The following PTBP3 variants were observed in gnomAD, a reference collection of about 807,000 sequenced individuals.
PTBP3 encodes the protein polypyrimidine tract binding protein 3.
A neutral mutation model predicts 58.7 loss-of-function variants in PTBP3; 20 were observed. That is an observed-to-expected ratio of 0.34 (90% CI 0.24 to 0.50). The LOEUF (loss-of-function observed/expected upper bound fraction) is 0.50. Among genes scored for constraint, PTBP3 ranks in the 20% least tolerant of loss-of-function variants. The pLI is 0.98. For missense variants in PTBP3, 509 were observed against 637.2 expected (o/e 0.80, Z 2.17); for synonymous variants, 185 against 219.8 (o/e 0.84, Z 1.40).
At chr9:112,280,749 G>A (rs904797172) in intron 2 of PTBP3, among the ~76,000 whole-genome samples, 2 of 110,066 alleles carry the variant, frequency 1.8e-5, no homozygotes, top group African/African-American at 7.8e-5. Context: ...CTCTTCATAC[G>A]TGTGTGTCTG....
intron 1 of PTBP3, chr9:112,298,411 T>C: frequency 3.4e-6 from 1 of 297,358 alleles, no homozygotes; most frequent in Non-Finnish European, 6.6e-6. Context: ...TGCAGACTAT[T>C]TCTTAAACAA....
rs992151815 is a variant in PTBP3, at chr9:112,219,426, T to C, written c.*4425A>G. On this transcript the variant is annotated 3_prime_UTR_variant, in exon 14 of 14. Transcript: ENST00000374257. The stretch of plus-strand genomic sequence containing the variant: ...AACAAATCAGTTGACAATGCTGATT[T>C]AAGCATGCCATAGGCATCTTTCAAT... 1 of 152,388 alleles carries C rather than the reference T, an allele frequency of 6.6e-6. No homozygotes were observed. Among genetic ancestry groups the C allele is most frequent in the African/African-American group, 2.4e-5 (1 of 41,452 alleles). 9.4% of individuals were successfully genotyped at this position (152,388 alleles called of 1,614,324 possible).
chr9:112,254,489 G>A (rs894891150), intron 5 of PTBP3, among the ~76,000 whole-genome samples: 1 of 152,160 alleles, frequency 6.6e-6, no homozygotes, highest in African/African-American at 2.4e-5. Context: ...ATATGATAAT[G>A]GGTTAAGATC....
chr9:112,306,606 T>TATATA (rs1829230692), intron 1 of PTBP3, among the ~76,000 whole-genome samples: 2 of 144,602 alleles, frequency 1.4e-5, no homozygotes, highest in African/African-American at 5.1e-5. Context: ...ATATATATAT[T>TATATA]TTTGTTTGTT....
chr9:112,343,767 G>C, the PTBP3 span, among the ~76,000 whole-genome samples: 1 of 148,598 alleles, frequency 6.7e-6, no homozygotes, highest in Non-Finnish European at 1.5e-5. Flanking sequence ...CCCCAGCCTG[G>C]GCAACAGAGC....
chr9:112,318,770 A>C (rs1346107568), intron 1 of PTBP3, among the ~76,000 whole-genome samples: 1 of 152,058 alleles, frequency 6.6e-6, no homozygotes, highest in Non-Finnish European at 1.5e-5. Flanking sequence ...AAAAAAAAAA[A>C]AAATTGAGAT....
intron 7 of PTBP3, among the ~76,000 whole-genome samples, chr9:112,240,881 T>C (rs1469569341): frequency 6.6e-6 from 1 of 152,010 alleles, no homozygotes; most frequent in Non-Finnish European, 1.5e-5. Context: ...AACAAAAAAC[T>C]AAAAGTTGAA....
chr9:112,306,592 A>AT (rs901266125), intron 1 of PTBP3, among the ~76,000 whole-genome samples: 2 of 103,680 alleles, frequency 1.9e-5, no homozygotes, highest in Non-Finnish European at 3.8e-5. Flanking sequence ...ATTTGTATAT[A>AT]TATATATATA....
chr9:112,256,221 T>C (rs1183714122), intron 5 of PTBP3, among the ~76,000 whole-genome samples: 1 of 140,282 alleles, frequency 7.1e-6, no homozygotes, highest in African/African-American at 2.6e-5. Flanking sequence ...GCCATTGCAC[T>C]CCAACCTGGG....
intron 2 of PTBP3, among the ~76,000 whole-genome samples, chr9:112,287,115 G>C (rs919874971): frequency 1.3e-5 from 2 of 152,036 alleles, no homozygotes; most frequent in Non-Finnish European, 2.9e-5. Flanking sequence ...ATAAGCCTGG[G>C]TGTGGTTTCC....
At position 112,312,502 on chromosome 9, in the gene PTBP3, A is replaced by T. The variant is rs1556974; in HGVS notation, c.-51-14586T>A. ...TTTTTTTTTTTGTTTTTTTTTTTTA[A>T]AAAAAAAAAAAAGGACGTGTGTGTG... On this transcript the variant is annotated intron_variant, in intron 1 of 13. Coordinates refer to ENST00000374257, the MANE Select transcript of PTBP3 (RefSeq NM_001163788.4). Among the ~76,000 whole-genome samples, 586 of 92,154 alleles carry T rather than the reference A, an allele frequency of 6.4e-3. 5 individuals are homozygous for T. The highest frequency in any genetic ancestry group is 0.017 in the African/African-American group (407 of 24,386). 60.5% of individuals were successfully genotyped at this position (92,154 alleles called of 152,430 possible).
intron 1 of PTBP3, among the ~76,000 whole-genome samples, chr9:112,309,838 A>T (rs1304138988): frequency 1.3e-5 from 2 of 152,194 alleles, no homozygotes; most frequent in Non-Finnish European, 2.9e-5. Flanking sequence ...AGGAATAAAC[A>T]ATAGTCAATA....
At chr9:112,333,917 C>T (rs1351346810), upstream of PTBP3, among the ~76,000 whole-genome samples, 1 of 150,374 alleles carries the variant, frequency 6.7e-6, no homozygotes, top group African/African-American at 2.4e-5. Flanking sequence ...CCTTGTGCTT[C>T]CCGCTCCGCC....
the PTBP3 span, among the ~76,000 whole-genome samples, chr9:112,372,074 A>AT: frequency 1.2e-4 from 18 of 151,452 alleles, no homozygotes; most frequent in East Asian, 5.8e-4. Flanking sequence ...TCTTCCATAG[A>AT]TTCTTTTTTC....
At chr9:112,365,225 T>C in the PTBP3 span, among the ~76,000 whole-genome samples, 1 of 152,216 alleles carries the variant, frequency 6.6e-6, no homozygotes, top group African/African-American at 2.4e-5. Flanking sequence ...TCTTTATCCA[T>C]TCATCCATTG....
chr9:112,324,085 A>G (rs1217345210), intron 1 of PTBP3, among the ~76,000 whole-genome samples: 1 of 151,990 alleles, frequency 6.6e-6, no homozygotes, highest in Non-Finnish European at 1.5e-5. Context: ...ATCAGAAACC[A>G]TACAAGCAAA....
At chr9:112,334,113 A>G (rs751403907), upstream of PTBP3, among the ~76,000 whole-genome samples, 1 of 151,804 alleles carries the variant, frequency 6.6e-6, no homozygotes, top group Non-Finnish European at 1.5e-5. Flanking sequence ...GCGAGGCTGT[A>G]GATGACACGT....
chr9:112,253,024 G>A (rs954181733), intron 5 of PTBP3, among the ~76,000 whole-genome samples: 2 of 152,094 alleles, frequency 1.3e-5, no homozygotes, highest in Non-Finnish European at 2.9e-5. Flanking sequence ...ATATATAAAT[G>A]GTACAGTATT....
intron 6 of PTBP3, 149 bp downstream of exon 6, chr9:112,252,529 A>AC (rs1836171969): frequency 3.1e-6 from 2 of 639,160 alleles, no homozygotes; most frequent in Non-Finnish European, 5.4e-6. Flanking sequence ...GAAAAAAAAA[A>AC]CATGGAATCA....
Sources: allele counts gnomAD v4.1 joint callset (sites outside exome capture counted in the v4.1 genomes callset), GRCh38; gene constraint gnomAD v4.1.1; transcripts MANE v1.5; gene names NCBI Gene and HGNC (gene_info 2026-07-23, HGNC 2026-07-21).